The following IL12RB2 variants were observed in gnomAD, a reference collection of about 807,000 sequenced individuals.
The protein encoded by IL12RB2 is interleukin 12 receptor subunit beta 2.
IL12RB2 carries 82 observed loss-of-function variants against 89.4 expected under a neutral mutation model. The ratio of observed to expected loss-of-function variants is 0.92; its 90% confidence interval spans 0.77 to 1.10. The LOEUF (loss-of-function observed/expected upper bound fraction) is 1.10, where lower values mean the gene tolerates loss of function less well. IL12RB2 is among the 50% of genes least tolerant of loss of function. The probability of loss-of-function intolerance (pLI) is 0.00; values close to 1 mark genes in which losing one functional copy is unlikely to be tolerated. For synonymous variants in IL12RB2, 368 were observed against 370.1 expected (o/e 0.99, Z 0.07); for missense variants, 963 against 1,031.9 (o/e 0.93, Z 0.92).
At chr1:67,388,377 A>T (rs1665451641) in intron 15 of IL12RB2, among the ~76,000 whole-genome samples, 1 of 152,050 alleles carries the variant, frequency 6.6e-6, no homozygotes, top group Admixed American at 6.6e-5. Flanking sequence ...ACAGAGTCTC[A>T]CTCTGTCGCC....
chr1:67,314,944 AGTT>A (rs1343724365), intron 2 of IL12RB2, among the ~76,000 whole-genome samples: 1 of 151,898 alleles, frequency 6.6e-6, no homozygotes, highest in African/African-American at 2.4e-5. Flanking sequence ...TTCAAGACAG[AGTT>A]GTTGTTTTAA....
At chr1:67,325,974 T>C (rs1205124091) in intron 4 of IL12RB2, among the ~76,000 whole-genome samples, 2 of 152,236 alleles carry the variant, frequency 1.3e-5, no homozygotes, top group African/African-American at 4.8e-5. Flanking sequence ...GAAGGGACCA[T>C]GCTTGCTTTG....
chr1:67,339,592 GA>G, intron 9 of IL12RB2, among the ~76,000 whole-genome samples: 1 of 152,140 alleles, frequency 6.6e-6, no homozygotes, highest in South Asian at 2.1e-4. Flanking sequence ...AGAAAACAGT[GA>G]AGCCTGACAT....
At chr1:67,363,225 T>A (rs565844097) in intron 10 of IL12RB2, among the ~76,000 whole-genome samples, 7 of 146,330 alleles carry the variant, frequency 4.8e-5, no homozygotes, top group African/African-American at 1.8e-4. Context: ...TTTTTTTTTT[T>A]TTTTTTTTGA....
At chr1:67,337,913 A>AAAAAG (rs746289063) in intron 8 of IL12RB2, among the ~76,000 whole-genome samples, 13 of 144,706 alleles carry the variant, frequency 9.0e-5, no homozygotes, top group African/African-American at 1.3e-4. Context: ...AAAAAAAAAA[A>AAAAAG]AAAAGAAAAG....
chr1:67,321,059 G>A (rs1472799725), intron 3 of IL12RB2, among the ~76,000 whole-genome samples: 1 of 151,402 alleles, frequency 6.6e-6, no homozygotes, highest in Admixed American at 6.6e-5. Flanking sequence ...CCGTCCACAA[G>A]TTTGGTTTGT....
intron 4 of IL12RB2, 93 bp downstream of exon 4, chr1:67,321,982 G>A: frequency 9.5e-7 from 1 of 1,049,794 alleles, no homozygotes; most frequent in Admixed American, 1.7e-5. Flanking sequence ...CCAAATACAG[G>A]TTAATGTTCT....
Position 67,379,996 on chromosome 1 carries a change from C to T in IL12RB2, c.1728C>T (p.Tyr576=), listed in dbSNP as rs753251535. The T allele has an allele frequency of 6.8e-6, 11 of 1,610,046 alleles. No homozygotes were observed. Among genetic ancestry groups the T allele is most frequent in the Admixed American group, 5.0e-5 (3 of 60,028 alleles). ...NSQPQLCEIP[Y]RVSQNSHPIN... ...TTATCTTCCTTTCAGAAATTCCCTA[C>T]AGAGTCTCCCAAAATTCACATCCAA... is the stretch of plus-strand genomic sequence containing the variant. The change falls in exon 14 of 17, where the codon TAC becomes TAT. Residue 576 remains tyrosine, a synonymous_variant. Transcript: ENST00000674203.
At chr1:67,311,156 T>C (rs1655003934) in intron 1 of IL12RB2, among the ~76,000 whole-genome samples, 1 of 152,222 alleles carries the variant, frequency 6.6e-6, no homozygotes, top group Non-Finnish European at 1.5e-5. Flanking sequence ...CACTGCTCTT[T>C]TCATTACTAC....
chr1:67,310,183 TCA>T (rs1654842852), intron 1 of IL12RB2, among the ~76,000 whole-genome samples: 1 of 41,420 alleles, frequency 2.4e-5, no homozygotes, highest in African/African-American at 1.1e-4. Flanking sequence ...AAACTTCATC[TCA>T]AAAAAAAAAA....
At position 67,327,055 on chromosome 1, in the gene IL12RB2, G is replaced by A. The variant is rs17838040; in HGVS notation, c.479+206G>A. On this transcript the variant is annotated intron_variant, in intron 5 of 16. Transcript: ENST00000674203. ...GGCTCACTGCAACCTCTGCTTCCTG[G>A]GTTCAAGTGATTCTCCTGCCTCAGC... 8.1e-3 allele frequency among the ~76,000 whole-genome samples: 1,227 copies of A among 151,740 alleles called. 12 individuals are homozygous for A. The highest frequency in any genetic ancestry group is 0.023 in the African/African-American group (932 of 41,302).
At chr1:67,317,042 A>G (rs1230991509) in intron 2 of IL12RB2, among the ~76,000 whole-genome samples, 1 of 152,192 alleles carries the variant, frequency 6.6e-6, no homozygotes, top group Non-Finnish European at 1.5e-5. Context: ...ACTGAATGAA[A>G]GGTGTCTGAA....
chr1:67,369,419 T>C (rs542355860), intron 11 of IL12RB2, among the ~76,000 whole-genome samples: 1 of 152,346 alleles, frequency 6.6e-6, no homozygotes, highest in South Asian at 2.1e-4. Context: ...AGCTATCAGC[T>C]CAATTTTGAA....
At position 67,372,754 on chromosome 1, in the gene IL12RB2, G is replaced by A. The variant is rs768344875; in HGVS notation, c.1688G>A (p.Arg563Gln). 6.2e-6 allele frequency: 10 copies of A among 1,608,350 alleles called. No homozygotes were observed. The highest frequency in any genetic ancestry group is 1.7e-5 in the Admixed American group (1 of 59,988). The change falls in exon 13 of 17, where the codon CGG (arginine) becomes CAG (glutamine). Residue 563 changes from arginine (R) to glutamine (Q), a missense_variant. By Grantham distance (43) the Arg-to-Gln change is conservative (BLOSUM62 1). Coordinates refer to ENST00000674203, the MANE Select transcript of IL12RB2 (RefSeq NM_001374259.2). ...LLHYRIYWKE[R>Q]DSNSQPQLCE... Reference sequence around the variant, plus strand: ...CATTATAGGATATACTGGAAGGAACGGGACTCCAACTCCCAGCCTCAGCTC... The same window carrying A: ...CATTATAGGATATACTGGAAGGAACAGGACTCCAACTCCCAGCCTCAGCTC...
At chr1:67,391,303 G>A (rs1442440451) in intron 16 of IL12RB2, among the ~76,000 whole-genome samples, 4 of 151,208 alleles carry the variant, frequency 2.6e-5, no homozygotes, top group Non-Finnish European at 5.9e-5. Flanking sequence ...AGTCTCCTCT[G>A]AGGGATTTCA....
At chr1:67,395,197 G>A (rs766115779) in intron 16 of IL12RB2, among the ~76,000 whole-genome samples, 1 of 152,078 alleles carries the variant, frequency 6.6e-6, no homozygotes, top group Non-Finnish European at 1.5e-5. Flanking sequence ...GAACCTGGGA[G>A]GCGGAGGTTA....
chr1:67,364,766 T>A (rs1662495457), intron 10 of IL12RB2, among the ~76,000 whole-genome samples: 1 of 152,212 alleles, frequency 6.6e-6, no homozygotes, highest in African/African-American at 2.4e-5. Context: ...CAGAAAATCA[T>A]TAAAGACATA....
intron 15 of IL12RB2, among the ~76,000 whole-genome samples, chr1:67,386,917 T>TATATATA (rs1665253562): frequency 3.5e-4 from 34 of 98,534 alleles, no homozygotes; most frequent in East Asian, 8.5e-4. Flanking sequence ...TATATATATA[T>TATATATA]TCTTTTTTTC....
intron 1 of IL12RB2, among the ~76,000 whole-genome samples, chr1:67,311,330 C>A (rs1018719492): frequency 6.6e-6 from 1 of 152,068 alleles, no homozygotes; most frequent in South Asian, 2.1e-4. Flanking sequence ...GAATTTAAAC[C>A]GATAGAAGAG....
Sources: gnomAD v4.1 joint callset for allele counts (sites outside exome capture counted in the v4.1 genomes callset) on GRCh38, gnomAD v4.1.1 for gene constraint, MANE v1.5 for transcripts, NCBI Gene and HGNC (gene_info 2026-07-23, HGNC 2026-07-21) for gene names.